Variants in ADCK5 observed in about 807,000 individuals in gnomAD.
ADCK5 encodes uncharacterized aarF domain-containing protein kinase 5.
A neutral mutation model predicts 64.9 loss-of-function variants in ADCK5; 43 were observed. That is an observed-to-expected ratio of 0.66 (90% confidence interval 0.52 to 0.85). The LOEUF (loss-of-function observed/expected upper bound fraction) is 0.85. Ranked by LOEUF, ADCK5 falls within the 40% of genes least tolerant of loss-of-function variation. The pLI, the probability that ADCK5 is intolerant of heterozygous loss-of-function variation, is 0.00. For missense variants in ADCK5, 760 were observed against 810.5 expected (o/e 0.94, Z 0.76); for synonymous variants, 434 against 342.8 (o/e 1.27, Z -2.94).
Position 144,393,174 on chromosome 8 carries a change from C to G in ADCK5, c.*100C>G. 5 of 1,357,536 alleles carry G rather than the reference C, an allele frequency of 3.7e-6. No individual in the cohort carries two copies. Among genetic ancestry groups the G allele is most frequent in the South Asian group, 1.5e-5 (1 of 67,148 alleles). The allele number at this position is 1,357,536 out of a possible 1,614,324, so 84.1% of individuals were successfully genotyped here. On this transcript the variant is annotated 3_prime_UTR_variant, in exon 15 of 15. Transcript: ENST00000308860. ...ACCCCGAGCCCCGTGGGCACTCGCACTGGGGGGCTGTGACAGCAGCTGGGC... is the reference window on the plus strand; with the variant it reads ...ACCCCGAGCCCCGTGGGCACTCGCAGTGGGGGGCTGTGACAGCAGCTGGGC...
At chr8:144,389,804 A>G (rs1554860012) in intron 3 of ADCK5, among the ~76,000 whole-genome samples, 1 of 150,470 alleles carries the variant, frequency 6.6e-6, no homozygotes, top group African/African-American at 2.5e-5. Flanking sequence ...TGCTGGGATC[A>G]TAGGTGTGAG....
chr8:144,385,929 A>C (rs756159962), intron 3 of ADCK5, among the ~76,000 whole-genome samples: 86 of 150,870 alleles, frequency 5.7e-4, no homozygotes, highest in Middle Eastern at 3.5e-3. Context: ...ACGCCACTGC[A>C]CTCTAGCCTG....
At chr8:144,382,996 G>T in intron 2 of ADCK5, 85 bp from the exon 3 acceptor site, 12 of 1,520,946 alleles carry the variant, frequency 7.9e-6, no homozygotes, top group Non-Finnish European at 9.8e-6. Flanking sequence ...GGAGTGAGAC[G>T]TGGTGCTGGG....
At chr8:144,378,761 C>A (rs1022842396) in intron 1 of ADCK5, among the ~76,000 whole-genome samples, 1 of 151,924 alleles carries the variant, frequency 6.6e-6, no homozygotes, top group South Asian at 2.1e-4. Context: ...TGCTTGTAGT[C>A]CCAGCTACTC....
At chr8:144,388,742 G>A (rs573142574) in intron 3 of ADCK5, among the ~76,000 whole-genome samples, 15 of 150,516 alleles carry the variant, frequency 1.0e-4, no homozygotes, top group South Asian at 2.1e-4. Context: ...CAGCCTGGGC[G>A]ACAGAGCGAG....
At chr8:144,375,878 GC>G (rs1245205592) in intron 1 of ADCK5, among the ~76,000 whole-genome samples, 1 of 152,196 alleles carries the variant, frequency 6.6e-6, no homozygotes, top group Non-Finnish European at 1.5e-5. Flanking sequence ...TTGGGGGAAG[GC>G]CCTGGGGACC....
chr8:144,377,866 T>C (rs1320169360), intron 1 of ADCK5, among the ~76,000 whole-genome samples: 1 of 152,236 alleles, frequency 6.6e-6, no homozygotes, highest in Non-Finnish European at 1.5e-5. Context: ...CTGTTGCCAC[T>C]TCCTTCGGAG....
intron 3 of ADCK5, among the ~76,000 whole-genome samples, chr8:144,385,911 C>T (rs1819901370): frequency 6.6e-6 from 1 of 151,392 alleles, no homozygotes; most frequent in Non-Finnish European, 1.5e-5. Context: ...TTGCAGTGAG[C>T]CAAGATCACG....
At chr8:144,389,933 A>G (rs1820130001) in intron 3 of ADCK5, among the ~76,000 whole-genome samples, 1 of 151,352 alleles carries the variant, frequency 6.6e-6, no homozygotes, top group African/African-American at 2.4e-5. Context: ...GGTTCAAGCA[A>G]TTCTCCTGCC....
rs1554861107 is a variant in ADCK5 at position 144,392,267 on chromosome 8, C to G, written c.1189C>G (p.Leu397Val). 8.5e-6 allele frequency: 13 copies of G among 1,527,698 alleles called. No individual in the cohort carries two copies. Among genetic ancestry groups the G allele is most frequent in the Non-Finnish European group, 1.8e-6 (2 of 1,140,516 alleles). 94.6% of individuals were successfully genotyped at this position (1,527,698 alleles called of 1,614,324 possible). The change falls in exon 12 of 15, where the codon CTC becomes GTC. Residue 397 changes from leucine to valine, a missense_variant. By Grantham distance (32) the Leu-to-Val change is conservative. Coordinates refer to ENST00000308860, the MANE Select transcript of ADCK5 (RefSeq NM_174922.5). ...QFLEEKDRAALCQLWRAIILR... is the reference protein window; with the variant it reads ...QFLEEKDRAAVCQLWRAIILR... ...ATCCACACCCAGGGACCGCGCAGCC[C>G]TCTGCCAGCTGTGGCGGGCCATCAT...
At chr8:144,379,179 C>T (rs1037025275) in intron 1 of ADCK5, among the ~76,000 whole-genome samples, 4 of 152,110 alleles carry the variant, frequency 2.6e-5, no homozygotes, top group Admixed American at 2.0e-4. Context: ...ATGATCCACC[C>T]GCCTCGGCCT....
intron 12 of ADCK5, 28 bp from the exon 13 acceptor site, chr8:144,392,417 C>CAACCA: frequency 2.3e-6 from 3 of 1,325,678 alleles, no homozygotes; most frequent in Non-Finnish European, 3.0e-6. Context: ...TCAGAGCCCC[C>CAACCA]TCCCTCCCTC....
chr8:144,391,366 G>A lies in ADCK5; in HGVS notation c.690G>A (p.Gln230=). The part of the protein sequence containing the change: ...HDGTSVAVKV[Q]YIDLRDRFDG... Reference sequence around the variant, plus strand: ...CACACCCTCGCCCAGTGCAGGTGCAGTACATCGACCTGCGGGACCGCTTTG... The same window carrying A: ...CACACCCTCGCCCAGTGCAGGTGCAATACATCGACCTGCGGGACCGCTTTG... The change falls in exon 7 of 15, where the codon CAG becomes CAA. Residue 230 remains glutamine, a synonymous_variant. Coordinates refer to ENST00000308860, the MANE Select transcript of ADCK5 (RefSeq NM_174922.5). 1 of 1,613,178 alleles carries A rather than the reference G, an allele frequency of 6.2e-7. No individual in the cohort carries two copies. Among genetic ancestry groups the A allele is most frequent in the Non-Finnish European group, 8.5e-7 (1 of 1,180,000 alleles).
intron 14 of ADCK5, 31 bp from the exon 15 acceptor site, chr8:144,392,938 C>CCACCTGT: frequency 6.3e-7 from 1 of 1,576,410 alleles, no homozygotes; most frequent in Non-Finnish European, 8.6e-7. Flanking sequence ...TGCTCCCCAC[C>CCACCTGT]CACCTGTGAC....
In ADCK5 at chr8:144,374,060, G is replaced by A; in HGVS notation, c.-36G>A. Reference sequence around the variant, plus strand: ...CTGCTGGGCTGCGAGACGCTAAGCGGCGCCGGGCGGGAGAAGAGCGGAGCA... The same window carrying A: ...CTGCTGGGCTGCGAGACGCTAAGCGACGCCGGGCGGGAGAAGAGCGGAGCA... On this transcript the variant is annotated 5_prime_UTR_variant, in exon 1 of 15. Transcript: ENST00000308860. 1 of 1,245,740 alleles carries A rather than the reference G, an allele frequency of 8.0e-7. No individual in the cohort carries two copies. The highest frequency in any genetic ancestry group is 1.0e-6 in the Non-Finnish European group (1 of 988,390). 77.2% of individuals were successfully genotyped at this position (1,245,740 alleles called of 1,614,324 possible).
At position 144,376,025 on chromosome 8, in the gene ADCK5, C is replaced by T. The variant is rs1367169466; in HGVS notation, c.12+1918C>T. Among the ~76,000 whole-genome samples the T allele has an allele frequency of 2.6e-5, 4 of 152,162 alleles. No individual in the cohort carries two copies. Among genetic ancestry groups the T allele is most frequent in the Admixed American group, 1.3e-4 (2 of 15,270 alleles). On this transcript the variant is annotated intron_variant, in intron 1 of 14. Transcript: ENST00000308860. The surrounding 1 kb of genome is among the most constrained non-coding windows in gnomAD (Gnocchi z 5.1). ...TCTGGGAGATGCAGCTGCAGGCTCG[C>T]CCCCCAACCCATAACCTCTCTGGGC...
chr8:144,391,250 C>A lies in ADCK5; in HGVS notation c.660C>A (p.His220Gln). The change falls in exon 6 of 15, where the codon CAC (histidine) becomes CAA (glutamine). Residue 220 changes from histidine to glutamine, a missense_variant. By Grantham distance (24) the His-to-Gln change is conservative. Around this residue, in one of 2 missense-constraint regions of ADCK5, gnomAD observed 427 missense variants for 518.4 expected, o/e 0.82. Transcript: ENST00000308860. ...SLAQVHRAKL[H>Q]DGTSVAVKVQ... ...CACAGGTGCACAGAGCCAAGCTGCACGATGGCACCAGCGTGGCTGTGAAGG... is the reference window on the plus strand; with the variant it reads ...CACAGGTGCACAGAGCCAAGCTGCAAGATGGCACCAGCGTGGCTGTGAAGG... 6.2e-7 allele frequency: 1 copy of A among 1,612,462 alleles called. No homozygotes were observed. The highest frequency in any genetic ancestry group is 1.1e-5 in the South Asian group (1 of 91,088).
chr8:144,384,572 C>T lies in ADCK5; in HGVS notation c.266+1342C>T, dbSNP rs149233217. ...CAGTCTCGCAGCCTGGGGTGGGTGA[C>T]GACAGAGCCTCGGGTCCTCTGCCTT... On this transcript the variant is annotated intron_variant, in intron 3 of 14. Coordinates refer to ENST00000308860, the MANE Select transcript of ADCK5 (RefSeq NM_174922.5). This position sits in a 1 kb window ranked among gnomAD's most constrained non-coding sequence, Gnocchi z 5.7. 3.9e-5 allele frequency among the ~76,000 whole-genome samples: 6 copies of T among 152,282 alleles called. No homozygotes were observed. The East Asian group carries it at 1.2e-3, about 29-fold the overall frequency.
chr8:144,388,323 C>G (rs1465253783), intron 3 of ADCK5, among the ~76,000 whole-genome samples: 1 of 149,096 alleles, frequency 6.7e-6, no homozygotes. Flanking sequence ...TGCCACTGCA[C>G]TCCAGTCTGG....
Sources: gnomAD v4.1 joint callset for allele counts (sites outside exome capture counted in the v4.1 genomes callset) on GRCh38, gnomAD v4.1.1 for gene constraint, gnomAD v4.1.1 regional missense constraint, Gnocchi (gnomAD v3.1) non-coding constraint, MANE v1.5 for transcripts, NCBI Gene and HGNC (gene_info 2026-07-23, HGNC 2026-07-21) for gene names.